ZER1: variants seen among roughly 807,000 people sequenced by gnomAD.
ZER1 encodes the protein zyg-11 related cell cycle regulator.
Under a neutral mutation model 78.8 loss-of-function variants are expected in ZER1, and 11 were observed. The observed-to-expected ratio is 0.14, with a 90% CI of 0.09 to 0.23. The LOEUF (loss-of-function observed/expected upper bound fraction) is 0.23, where lower values mean the gene tolerates loss of function less well. ZER1 is among the 10% of genes least tolerant of loss of function. The pLI is 1.00. For synonymous variants in ZER1, 400 were observed against 407.0 expected, an observed-to-expected ratio of 0.98 and a Z score of 0.21; for missense variants, 588 against 996.9, an observed-to-expected ratio of 0.59 and a Z score of 5.52.
chr9:128,764,122 T>A (rs1277044306), intron 1 of ZER1, among the ~76,000 whole-genome samples: 3 of 152,012 alleles, frequency 2.0e-5, no homozygotes, highest in African/African-American at 7.2e-5. Context: ...AGGGGGTGCA[T>A]GGGACGTTGG....
Position 128,754,367 on chromosome 9 carries a change from TAATG to T in ZER1, c.159-412_159-409del, listed in dbSNP as rs1173941840. Among the ~76,000 whole-genome samples the T allele has an allele frequency of 6.6e-6, 1 of 152,166 alleles. No individual in the cohort carries two copies. Reference sequence around the variant, plus strand: ...CCCAGCTGGGTACAGGACAAGCCCTTAATGAAGCCCTGTTGAGACATCAGCTCAT... The same window carrying T: ...CCCAGCTGGGTACAGGACAAGCCCTTAAGCCCTGTTGAGACATCAGCTCAT... On this transcript the variant is annotated intron_variant, in intron 2 of 15. Transcript: ENST00000291900. The surrounding 1 kb of genome is among the most constrained non-coding windows in gnomAD (Gnocchi z 4.3).
chr9:128,735,819 C>G (rs141395839), intron 13 of ZER1, among the ~76,000 whole-genome samples: 1 of 124,844 alleles, frequency 8.0e-6, no homozygotes, highest in Non-Finnish European at 1.6e-5. Flanking sequence ...GCTCTGTTGC[C>G]CAGGCTGGGG....
chr9:128,743,426 T>C (rs1863374083), intron 8 of ZER1, among the ~76,000 whole-genome samples: 2 of 152,028 alleles, frequency 1.3e-5, no homozygotes, highest in Non-Finnish European at 2.9e-5. Context: ...TTCTTTTATT[T>C]ATTTATTTTT....
chr9:128,765,252 T>C (rs1031726990), intron 1 of ZER1, among the ~76,000 whole-genome samples: 1 of 143,954 alleles, frequency 6.9e-6, no homozygotes, highest in East Asian at 2.0e-4. Context: ...CACACACACG[T>C]GCGCAAGCGC....
In ZER1 at chr9:128,735,785, T is replaced by G. The variant is rs1863054417; in HGVS notation, c.2043-354A>C. ...GGTTTTTTTTTTTTTTTTTTTTTTT[T>G]TTTTTTTTGTGAGACGGAGTTTCGC... On this transcript the variant is annotated intron_variant, in intron 13 of 15. Coordinates refer to ENST00000291900, the MANE Select transcript of ZER1 (RefSeq NM_006336.4). Among the ~76,000 whole-genome samples, 13 of 135,342 alleles carry G rather than the reference T, an allele frequency of 9.6e-5. No homozygotes were observed. The South Asian group carries it at 3.2e-3, about 34-fold the overall frequency. The allele number at this position is 135,342 out of a possible 152,430, so 88.8% of individuals were successfully genotyped here.
At chr9:128,734,144 A>AAAAAAAAATAT in intron 14 of ZER1, among the ~76,000 whole-genome samples, 3 of 14,446 alleles carry the variant, frequency 2.1e-4, no homozygotes, top group African/African-American at 5.6e-4. Flanking sequence ...AAAAAAAAAA[A>AAAAAAAAATAT]ATATATATAT....
rs1863680748 is a variant in ZER1, at chr9:128,751,608, T to G, written c.924-81A>C. The G allele has an allele frequency of 8.3e-7, 1 of 1,200,258 alleles. No individual in the cohort carries two copies. The highest frequency in any genetic ancestry group is 1.2e-5 in the South Asian group (1 of 80,880). The allele number at this position is 1,200,258 out of a possible 1,614,324, so 74.4% of individuals were successfully genotyped here. A position where few individuals can be genotyped will look rare whatever the true frequency, so the allele number is the denominator to read the frequency against. ...TCCCCACTGGGGGTGGTGAGGCATT[T>G]CCTTGCTTTCTCTTCTAGGCCCTCC... On this transcript the variant is annotated intron_variant, in intron 5 of 15. Coordinates refer to ENST00000291900, the MANE Select transcript of ZER1 (RefSeq NM_006336.4). This position sits in a 1 kb window ranked among gnomAD's most constrained non-coding sequence, Gnocchi z 5.4.
rs570190513 is a variant in ZER1, at chr9:128,741,947, A to T, written c.1576-106T>A. On this transcript the variant is annotated intron_variant, in intron 9 of 15. Transcript: ENST00000291900. ...TCAGCAACGCCATGGCTAGTTCAGGAGTCTTGACGAGATCAAGTCTCCCTA... is the reference window on the plus strand; with the variant it reads ...TCAGCAACGCCATGGCTAGTTCAGGTGTCTTGACGAGATCAAGTCTCCCTA... 4.3e-5 allele frequency: 61 copies of T among 1,418,202 alleles called. No homozygotes were observed. The African/African-American group carries it at 7.6e-4, about 18-fold the overall frequency. 87.9% of individuals were successfully genotyped at this position (1,418,202 alleles called of 1,614,324 possible). A position where few individuals can be genotyped will look rare whatever the true frequency, so the allele number is the denominator to read the frequency against.
intron 14 of ZER1, among the ~76,000 whole-genome samples, 175 bp downstream of exon 14, chr9:128,735,159 A>G (rs1393488667): frequency 1.3e-5 from 2 of 152,250 alleles, no homozygotes; most frequent in African/African-American, 4.8e-5. Context: ...GTGATGAGGC[A>G]GGAGTGAGCC....
At chr9:128,733,404 A>C in intron 15 of ZER1, 22 bp downstream of exon 15, 1 of 1,611,388 alleles carries the variant, frequency 6.2e-7, no homozygotes, top group Non-Finnish European at 8.5e-7. Flanking sequence ...TTCCAGGCAG[A>C]AACACACTGC....
chr9:128,759,299 T>A (rs1863966242), intron 1 of ZER1, among the ~76,000 whole-genome samples: 1 of 151,304 alleles, frequency 6.6e-6, no homozygotes, highest in Non-Finnish European at 1.5e-5. Context: ...GCCTCTGGAG[T>A]AACTGGGATT....
Position 128,754,948 on chromosome 9 carries a change from T to A in ZER1, c.158+460A>T, listed in dbSNP as rs940600261. 1.3e-5 allele frequency among the ~76,000 whole-genome samples: 2 copies of A among 152,216 alleles called. No homozygotes were observed. Among genetic ancestry groups the A allele is most frequent in the Non-Finnish European group, 2.9e-5 (2 of 68,044 alleles). On this transcript the variant is annotated intron_variant, in intron 2 of 15. Coordinates refer to ENST00000291900, the MANE Select transcript of ZER1 (RefSeq NM_006336.4). The surrounding 1 kb of genome is among the most constrained non-coding windows in gnomAD (Gnocchi z 4.3). ...ATTTTCTGGATGATTCACTCCCTGA[T>A]CATGGATCCGTTATTCTGGCACCGG...
At chr9:128,743,789 G>A (rs1001777403) in intron 8 of ZER1, among the ~76,000 whole-genome samples, 4 of 151,430 alleles carry the variant, frequency 2.6e-5, no homozygotes, top group Non-Finnish European at 1.5e-5. Context: ...GGAGTGTGGA[G>A]GCACAATGTC....
Position 128,731,206 on chromosome 9 carries a change from G to A in ZER1, c.*131C>T. 1 of 605,404 alleles carries A rather than the reference G, an allele frequency of 1.7e-6. No homozygotes were observed. The allele number at this position is 605,404 out of a possible 1,614,324, so 37.5% of individuals were successfully genotyped here. On this transcript the variant is annotated 3_prime_UTR_variant, in exon 16 of 16. Coordinates refer to ENST00000291900, the MANE Select transcript of ZER1 (RefSeq NM_006336.4). The stretch of plus-strand genomic sequence containing the variant: ...CTAACATTAAGGAAAAGCGTCGGTT[G>A]TGCAAAAGTCCCCCATGTCTCTTCA...
At position 128,750,367 on chromosome 9, in the gene ZER1, C is replaced by G. The variant is rs550723802; in HGVS notation, c.1359+249G>C. On this transcript the variant is annotated intron_variant, in intron 8 of 15. Coordinates refer to ENST00000291900, the MANE Select transcript of ZER1 (RefSeq NM_006336.4). ...TGTATGGGCAGAAGGGCTGAGGAGA[C>G]GGCACAGGCAGGGAGAAGGGCAGGG... Among the ~76,000 whole-genome samples the G allele has an allele frequency of 2.6e-4, 39 of 152,282 alleles. 1 individual carries two copies. In the South Asian group the frequency reaches 5.8e-3, roughly 23 times the overall value.
intron 14 of ZER1, among the ~76,000 whole-genome samples, chr9:128,734,144 A>AAAAATATATAAATATATATATATATAT: frequency 6.9e-5 from 1 of 14,456 alleles, no homozygotes; most frequent in Non-Finnish European, 1.4e-4. Flanking sequence ...AAAAAAAAAA[A>AAAAATATATAAATATATATATATATAT]ATATATATAT....
intron 15 of ZER1, chr9:128,733,198 G>C: frequency 2.1e-6 from 1 of 486,790 alleles, no homozygotes; most frequent in Non-Finnish European, 3.7e-6. Context: ...TTACAAACGA[G>C]GGCCCTGATG....
At chr9:128,763,247 G>A (rs745893574) in intron 1 of ZER1, among the ~76,000 whole-genome samples, 6 of 152,082 alleles carry the variant, frequency 3.9e-5, no homozygotes, top group African/African-American at 7.2e-5. Context: ...CTCCTTTCAC[G>A]TAGCTGATAC....
rs1864367116 is a variant in ZER1 at position 128,771,037 on chromosome 9, T to C, written c.-95+544A>G. 3.3e-5 allele frequency among the ~76,000 whole-genome samples: 5 copies of C among 152,226 alleles called. No homozygotes were observed. In the South Asian group the frequency reaches 1.0e-3, roughly 32 times the overall value. ...GAAAAACAAAACAAAACAAAACGAATGGACTGACAAACACAGGCAAAGACT... is the reference window on the plus strand; with the variant it reads ...GAAAAACAAAACAAAACAAAACGAACGGACTGACAAACACAGGCAAAGACT... On this transcript the variant is annotated intron_variant, in intron 1 of 15. Transcript: ENST00000291900.
Sources: allele counts gnomAD v4.1 joint callset (sites outside exome capture counted in the v4.1 genomes callset), GRCh38; gene constraint gnomAD v4.1.1; non-coding constraint Gnocchi (gnomAD v3.1); transcripts MANE v1.5; gene names NCBI Gene and HGNC (gene_info 2026-07-23, HGNC 2026-07-21).